Variants in PLPP4 observed in about 807,000 individuals in gnomAD.
The protein encoded by PLPP4 is diacylglycerol pyrophosphate like 2.
A neutral mutation model predicts 32.2 loss-of-function variants in PLPP4; 20 were observed. That is an observed-to-expected ratio of 0.62 (90% CI 0.44 to 0.90). The LOEUF (loss-of-function observed/expected upper bound fraction) is 0.90, where lower values mean the gene tolerates loss of function less well. Among genes scored for constraint, PLPP4 ranks in the 40% least tolerant of loss-of-function variants. The pLI is 0.00. For missense variants in PLPP4, 257 were observed against 353.1 expected, an observed-to-expected ratio of 0.73 and a Z score of 2.18; for synonymous variants, 127 against 133.0, an observed-to-expected ratio of 0.95 and a Z score of 0.31.
At chr10:120,554,351 C>T (rs923548278) in intron 5 of PLPP4, among the ~76,000 whole-genome samples, 1 of 152,178 alleles carries the variant, frequency 6.6e-6, no homozygotes, top group Non-Finnish European at 1.5e-5. Context: ...CCACCTCAGC[C>T]TGGACTTTAT....
At chr10:120,499,479 C>T (rs1264537148) in intron 1 of PLPP4, among the ~76,000 whole-genome samples, 1 of 151,948 alleles carries the variant, frequency 6.6e-6, no homozygotes, top group African/African-American at 2.4e-5. Context: ...TGTGACCCAC[C>T]TTCTACCACA....
intron 1 of PLPP4, among the ~76,000 whole-genome samples, chr10:120,466,535 G>T (rs1310045738): frequency 3.9e-5 from 6 of 152,214 alleles, no homozygotes; most frequent in Non-Finnish European, 5.9e-5. Context: ...GTTCAGTGAT[G>T]TTAGAAGTCA....
At chr10:120,536,883 G>A (rs73371253) in intron 5 of PLPP4, among the ~76,000 whole-genome samples, 12,702 of 152,028 alleles carry the variant, frequency 0.084, 603 homozygotes, top group African/African-American at 0.12. Flanking sequence ...ATTAAAAAGC[G>A]AGCAAAAGAC....
At chr10:120,503,345 C>T (rs1008845327) in intron 1 of PLPP4, among the ~76,000 whole-genome samples, 1 of 152,206 alleles carries the variant, frequency 6.6e-6, no homozygotes, top group Admixed American at 6.5e-5. Context: ...ATCTCTGCCC[C>T]TTTCTTCCCC....
At chr10:120,567,227 A>G (rs570449205) in intron 5 of PLPP4, among the ~76,000 whole-genome samples, 6 of 152,206 alleles carry the variant, frequency 3.9e-5, no homozygotes, top group Non-Finnish European at 7.3e-5. Flanking sequence ...GGGAATTATT[A>G]GGTATTCTTG....
At chr10:120,457,970 G>A (rs986012511) in intron 1 of PLPP4, among the ~76,000 whole-genome samples, 4 of 152,254 alleles carry the variant, frequency 2.6e-5, no homozygotes, top group Admixed American at 6.5e-5. Context: ...GTCGATGTCC[G>A]CTTTGGGGGC....
intron 1 of PLPP4, among the ~76,000 whole-genome samples, chr10:120,472,946 T>C (rs1035000603): frequency 2.6e-5 from 4 of 152,212 alleles, no homozygotes; most frequent in African/African-American, 9.6e-5. Context: ...GAATTTTCAT[T>C]TGGTTTTTAG....
intron 5 of PLPP4, among the ~76,000 whole-genome samples, chr10:120,528,306 C>T (rs1329648272): frequency 6.6e-6 from 1 of 152,058 alleles, no homozygotes; most frequent in Non-Finnish European, 1.5e-5. Flanking sequence ...CATCTCCTGA[C>T]CTCGTGATCC....
At chr10:120,567,496 C>A (rs897974072) in intron 5 of PLPP4, among the ~76,000 whole-genome samples, 1 of 152,150 alleles carries the variant, frequency 6.6e-6, no homozygotes, top group East Asian at 1.9e-4. Flanking sequence ...GATTTGGAAC[C>A]CAAGTCTTAA....
chr10:120,564,321 T>A (rs1848589167), intron 5 of PLPP4, among the ~76,000 whole-genome samples: 1 of 152,008 alleles, frequency 6.6e-6, no homozygotes, highest in South Asian at 2.1e-4. Flanking sequence ...TGCATTATGG[T>A]CAGATAGAGA....
At chr10:120,576,331 C>T (rs1427864695) in intron 6 of PLPP4, among the ~76,000 whole-genome samples, 1 of 152,212 alleles carries the variant, frequency 6.6e-6, no homozygotes, top group Admixed American at 6.5e-5. Flanking sequence ...GGGCATTGTT[C>T]ACCTCCTTCC....
At chr10:120,484,549 A>G (rs1342596662) in intron 1 of PLPP4, among the ~76,000 whole-genome samples, 2 of 152,166 alleles carry the variant, frequency 1.3e-5, no homozygotes, top group Admixed American at 6.5e-5. Context: ...TTCCTGCAAT[A>G]ATGGCATTAA....
At chr10:120,584,002 C>T (rs1849639514) in intron 6 of PLPP4, among the ~76,000 whole-genome samples, 1 of 152,176 alleles carries the variant, frequency 6.6e-6, no homozygotes, top group South Asian at 2.1e-4. Context: ...CATTCTGCTC[C>T]AGCCCATACC....
rs569620742 is a variant in PLPP4, at chr10:120,510,709, G to A, written c.166-3202G>A. Among the ~76,000 whole-genome samples, 35 of 117,614 alleles carry A rather than the reference G, an allele frequency of 3.0e-4. No individual in the cohort carries two copies. In the East Asian group the frequency reaches 8.0e-3, roughly 27 times the overall value. The allele number at this position is 117,614 out of a possible 152,430, so 77.2% of individuals were successfully genotyped here. A position where few individuals can be genotyped will look rare whatever the true frequency, so the allele number is the denominator to read the frequency against. On this transcript the variant is annotated intron_variant, in intron 2 of 6. Coordinates refer to ENST00000398250, the MANE Select transcript of PLPP4 (RefSeq NM_001030059.3). ...AGGTGTTTTGCCCTAGGAGGAAGTC[G>A]TTTTCCTAATGTGTTGGCTTCTGAA...
chr10:120,532,210 C>A (rs1240945248), intron 5 of PLPP4, among the ~76,000 whole-genome samples: 1 of 152,108 alleles, frequency 6.6e-6, no homozygotes, highest in African/African-American at 2.4e-5. Context: ...TGGTTTCCAG[C>A]TTCATCCATG....
rs1015737651 is a variant in PLPP4, at chr10:120,535,755, T to G, written c.445+14660T>G. On this transcript the variant is annotated intron_variant, in intron 5 of 6. Coordinates refer to ENST00000398250, the MANE Select transcript of PLPP4 (RefSeq NM_001030059.3). ...GTTTCATGATGTGACTTCATGTGGA[T>G]GCAAACCCCCCTGGGATCATCAATT... Among the ~76,000 whole-genome samples, 5 of 152,280 alleles carry G rather than the reference T, an allele frequency of 3.3e-5. No individual in the cohort carries two copies. In the East Asian group the frequency reaches 9.6e-4, roughly 29 times the overall value.
At chr10:120,463,040 T>C (rs1361265005) in intron 1 of PLPP4, among the ~76,000 whole-genome samples, 3 of 80,810 alleles carry the variant, frequency 3.7e-5, no homozygotes, top group Non-Finnish European at 8.3e-5. Flanking sequence ...TTTTTTTTTT[T>C]TGAGACGGAG....
chr10:120,525,037 G>A (rs77272827), intron 5 of PLPP4, among the ~76,000 whole-genome samples: 3,973 of 152,290 alleles, frequency 0.026, 114 homozygotes, highest in African/African-American at 0.07. Context: ...TCTCATCCAG[G>A]TGTCAGCGAA....
chr10:120,550,841 A>T lies in PLPP4; in HGVS notation c.446-24290A>T, dbSNP rs372454245. 2.2e-4 allele frequency among the ~76,000 whole-genome samples: 33 copies of T among 152,202 alleles called. 1 individual carries two copies. In the South Asian group the frequency reaches 4.1e-3, roughly 19 times the overall value. Reference sequence around the variant, plus strand: ...ATCTTTGGTACTTTGGGATAGACAAAGATTTCTTTAGGAGAAACACAACAG... The same window carrying T: ...ATCTTTGGTACTTTGGGATAGACAATGATTTCTTTAGGAGAAACACAACAG... On this transcript the variant is annotated intron_variant, in intron 5 of 6. Transcript: ENST00000398250.
Sources: allele counts gnomAD v4.1 joint callset (sites outside exome capture counted in the v4.1 genomes callset), GRCh38; gene constraint gnomAD v4.1.1; transcripts MANE v1.5; gene names NCBI Gene and HGNC (gene_info 2026-07-23, HGNC 2026-07-21).